ELMO1: variants seen among roughly 807,000 people sequenced by gnomAD.
ELMO1 encodes engulfment and cell motility protein 1.
In ELMO1, 26 loss-of-function variants were observed where a neutral mutation model predicts 98.9. That is an observed-to-expected ratio of 0.26 (90% CI 0.19 to 0.36). ELMO1 has a LOEUF of 0.36. Ranked by LOEUF, ELMO1 falls within the 10% of genes least tolerant of loss-of-function variation. ELMO1 has a pLI of 1.00. For synonymous variants in ELMO1, 346 were observed against 346.0 expected (o/e 1.00, Z 0.00); for missense variants, 627 against 935.2 (o/e 0.67, Z 4.30).
At chr7:37,255,379 A>G (rs1382864872) in intron 6 of ELMO1, among the ~76,000 whole-genome samples, 5 of 152,338 alleles carry the variant, frequency 3.3e-5, no homozygotes, top group East Asian at 1.9e-4. Context: ...CACCTTGATC[A>G]TGGACTTGCA....
chr7:37,383,378 T>C (rs1388726976), intron 1 of ELMO1, among the ~76,000 whole-genome samples: 1 of 152,228 alleles, frequency 6.6e-6, no homozygotes, highest in African/African-American at 2.4e-5. Flanking sequence ...GGTTATGCAT[T>C]TTTGGCAGAC....
At chr7:37,388,748 A>C (rs1802932494) in intron 1 of ELMO1, among the ~76,000 whole-genome samples, 1 of 152,174 alleles carries the variant, frequency 6.6e-6, no homozygotes, top group Admixed American at 6.5e-5. Flanking sequence ...GGTTACAGTG[A>C]ACTATGATTG....
At chr7:37,078,929 T>C (rs1311689260) in intron 15 of ELMO1, among the ~76,000 whole-genome samples, 2 of 152,316 alleles carry the variant, frequency 1.3e-5, no homozygotes, top group South Asian at 2.1e-4. Flanking sequence ...TACAAAGGTA[T>C]ATATGAATCC....
At chr7:37,076,966 A>C (rs942108854) in intron 15 of ELMO1, among the ~76,000 whole-genome samples, 2 of 152,194 alleles carry the variant, frequency 1.3e-5, no homozygotes, top group Non-Finnish European at 2.9e-5. Context: ...GGGAGATTTT[A>C]CGGATTATTT....
At chr7:36,860,691 A>C (rs1390577573) in intron 21 of ELMO1, among the ~76,000 whole-genome samples, 1 of 152,232 alleles carries the variant, frequency 6.6e-6, no homozygotes, top group African/African-American at 2.4e-5. Context: ...TAAAAACAGA[A>C]ACAGTAGAAC....
intron 1 of ELMO1, among the ~76,000 whole-genome samples, chr7:37,368,938 T>A (rs1057037442): frequency 6.6e-6 from 1 of 152,226 alleles, no homozygotes; most frequent in Non-Finnish European, 1.5e-5. Flanking sequence ...CTCCTTTTCA[T>A]TGGCCTTTTG....
intron 1 of ELMO1, among the ~76,000 whole-genome samples, chr7:37,436,618 G>A (rs994991979): frequency 4.6e-5 from 7 of 152,234 alleles, no homozygotes; most frequent in African/African-American, 1.7e-4. Flanking sequence ...CTAAGTGACT[G>A]TTTAATGGGT....
chr7:37,111,279 C>T (rs984886593), intron 14 of ELMO1, among the ~76,000 whole-genome samples: 8 of 152,206 alleles, frequency 5.3e-5, no homozygotes, highest in African/African-American at 7.2e-5. Flanking sequence ...CGTAAGTTAA[C>T]CTCACCCATT....
intron 7 of ELMO1, among the ~76,000 whole-genome samples, chr7:37,236,243 A>AC: frequency 6.6e-6 from 1 of 152,218 alleles, no homozygotes; most frequent in East Asian, 1.9e-4. Context: ...GGGAAAAAAA[A>AC]GCTGGAGAGA....
chr7:36,950,873 C>T (rs1426126919), intron 16 of ELMO1, among the ~76,000 whole-genome samples: 2 of 152,106 alleles, frequency 1.3e-5, no homozygotes, highest in Admixed American at 6.5e-5. Context: ...TACGGAGTGT[C>T]TGAGAGGAAG....
chr7:36,904,659 A>C (rs1483990340), intron 16 of ELMO1, among the ~76,000 whole-genome samples: 3 of 152,248 alleles, frequency 2.0e-5, no homozygotes, highest in Non-Finnish European at 1.5e-5. Context: ...AAAAACGTTA[A>C]CCAGCAATTC....
intron 15 of ELMO1, among the ~76,000 whole-genome samples, chr7:37,081,126 G>GT (rs1178924960): frequency 6.6e-6 from 1 of 152,128 alleles, no homozygotes; most frequent in Non-Finnish European, 1.5e-5. Context: ...GTGCTAACAT[G>GT]TTAAGTGTAT....
chr7:37,082,984 G>A (rs1253961428), intron 15 of ELMO1, among the ~76,000 whole-genome samples: 1 of 152,198 alleles, frequency 6.6e-6, no homozygotes. Context: ...CTAATGTAGT[G>A]GTTACAGTCA....
At chr7:37,447,751 C>CACACACACACACACA (rs1554316247) in intron 1 of ELMO1, among the ~76,000 whole-genome samples, 1 of 150,732 alleles carries the variant, frequency 6.6e-6, no homozygotes, top group Non-Finnish European at 1.5e-5. Flanking sequence ...CACACACACG[C>CACACACACACACACA]CGCCTCGCGC....
At chr7:36,908,164 G>A (rs926571681) in intron 16 of ELMO1, among the ~76,000 whole-genome samples, 1 of 152,186 alleles carries the variant, frequency 6.6e-6, no homozygotes, top group African/African-American at 2.4e-5. Flanking sequence ...ATGATGTGCT[G>A]GTTGTTGTAA....
intron 4 of ELMO1, among the ~76,000 whole-genome samples, chr7:37,274,260 A>T (rs542149766): frequency 6.6e-6 from 1 of 152,372 alleles, no homozygotes; most frequent in South Asian, 2.1e-4. Flanking sequence ...TACTAACAAC[A>T]GAGTTCTAAG....
intron 1 of ELMO1, among the ~76,000 whole-genome samples, chr7:37,364,603 A>G (rs1050532856): frequency 6.7e-6 from 1 of 150,282 alleles, no homozygotes; most frequent in African/African-American, 2.4e-5. Context: ...TTTTCAGAAT[A>G]CTTACCTTCT....
At chr7:37,305,469 T>TGG (rs372654456) in intron 4 of ELMO1, among the ~76,000 whole-genome samples, 2 of 152,134 alleles carry the variant, frequency 1.3e-5, no homozygotes, top group African/African-American at 4.8e-5. Flanking sequence ...TGTGTGTGTG[T>TGG]ATGTGCATAT....
chr7:37,018,707 C>T (rs1314091589), intron 15 of ELMO1, among the ~76,000 whole-genome samples: 1 of 152,198 alleles, frequency 6.6e-6, no homozygotes, highest in Non-Finnish European at 1.5e-5. Flanking sequence ...AAACTCCTGA[C>T]CGCAGGTGAT....
Sources: allele counts gnomAD v4.1 joint callset (sites outside exome capture counted in the v4.1 genomes callset), GRCh38; gene constraint gnomAD v4.1.1; transcripts MANE v1.5; gene names NCBI Gene and HGNC (gene_info 2026-07-23, HGNC 2026-07-21).